The following DAB1 variants were observed in gnomAD, a reference collection of about 807,000 sequenced individuals.
DAB1 encodes the protein disabled homolog 1.
Under a neutral mutation model 64.6 loss-of-function variants are expected in DAB1, and 15 were observed. That is an observed-to-expected ratio of 0.23 (90% CI 0.16 to 0.36). The LOEUF (loss-of-function observed/expected upper bound fraction) is 0.36, where lower values mean the gene tolerates loss of function less well. DAB1 is among the 10% of genes least tolerant of loss of function. The pLI is 1.00. For missense variants in DAB1, 596 were observed against 706.7 expected (o/e 0.84, Z 1.78); for synonymous variants, 235 against 251.9 (o/e 0.93, Z 0.64).
chr1:57,937,307 G>T (rs1645040626), intron 5 of DAB1, among the ~76,000 whole-genome samples: 1 of 152,068 alleles, frequency 6.6e-6, no homozygotes, highest in Admixed American at 6.6e-5. Context: ...GCCTGAAATT[G>T]ATCTGATCAG....
chr1:58,424,498 C>G (rs948692927), intron 3 of DAB1, among the ~76,000 whole-genome samples: 1 of 152,204 alleles, frequency 6.6e-6, no homozygotes, highest in Non-Finnish European at 1.5e-5. Flanking sequence ...TAGATGGCTC[C>G]CACATAGTGC....
chr1:57,992,396 T>A (rs1464100431), intron 5 of DAB1, among the ~76,000 whole-genome samples: 2 of 152,158 alleles, frequency 1.3e-5, no homozygotes, highest in Non-Finnish European at 2.9e-5. Context: ...TATACTTCAA[T>A]TTACATCAAT....
intron 2 of DAB1, among the ~76,000 whole-genome samples, chr1:57,237,886 A>C (rs1668207712): frequency 6.6e-6 from 1 of 152,198 alleles, no homozygotes; most frequent in Non-Finnish European, 1.5e-5. Context: ...AGTGCATTGG[A>C]TATGGACATA....
At chr1:57,649,081 A>G (rs1039307377) in intron 7 of DAB1, among the ~76,000 whole-genome samples, 5 of 152,142 alleles carry the variant, frequency 3.3e-5, no homozygotes, top group African/African-American at 1.2e-4. Context: ...AAATAACAGT[A>G]CTTTCCCTTT....
intron 5 of DAB1, among the ~76,000 whole-genome samples, chr1:58,070,625 C>T: frequency 6.6e-6 from 1 of 152,082 alleles, no homozygotes; most frequent in Non-Finnish European, 1.5e-5. Flanking sequence ...AGACTGGAGG[C>T]AAAGGAGGAT....
intron 6 of DAB1, among the ~76,000 whole-genome samples, chr1:57,653,379 A>G (rs545358980): frequency 7.9e-5 from 12 of 152,194 alleles, no homozygotes; most frequent in Non-Finnish European, 1.6e-4. Context: ...TTCTAATATT[A>G]TATTTTCAAG....
chr1:58,236,744 C>A (rs775307455), intron 4 of DAB1, among the ~76,000 whole-genome samples: 1 of 152,206 alleles, frequency 6.6e-6, no homozygotes, highest in African/African-American at 2.4e-5. Flanking sequence ...GAAGCTCAAA[C>A]CGAACACCAC....
chr1:57,895,917 CTAAAA>C (rs767601648), intron 5 of DAB1, among the ~76,000 whole-genome samples: 3 of 152,148 alleles, frequency 2.0e-5, no homozygotes, highest in Non-Finnish European at 2.9e-5. Flanking sequence ...CCCAGTTTTC[CTAAAA>C]TAAAAGACTA....
chr1:58,094,311 T>C (rs1650858741), intron 5 of DAB1, among the ~76,000 whole-genome samples: 1 of 152,240 alleles, frequency 6.6e-6, no homozygotes, highest in Non-Finnish European at 1.5e-5. Flanking sequence ...TAAATATCCT[T>C]TGTTTTACAT....
chr1:58,227,526 C>A (rs544646497), intron 4 of DAB1, among the ~76,000 whole-genome samples: 2 of 152,320 alleles, frequency 1.3e-5, no homozygotes, highest in Admixed American at 1.3e-4. Context: ...GTCCAGCACT[C>A]TCCTCCAGCC....
At chr1:58,029,138 C>A (rs1258326265) in intron 5 of DAB1, among the ~76,000 whole-genome samples, 1 of 152,170 alleles carries the variant, frequency 6.6e-6, no homozygotes, top group Non-Finnish European at 1.5e-5. Context: ...CTCCCTCATT[C>A]TCCCACAGTA....
intron 4 of DAB1, among the ~76,000 whole-genome samples, chr1:57,075,569 C>A (rs556033468): frequency 6.6e-4 from 100 of 152,304 alleles, no homozygotes; most frequent in Non-Finnish European, 1.1e-3. Flanking sequence ...TTCTGCTAAT[C>A]CTACAATTGC....
chr1:58,332,634 C>T (rs964880471), intron 4 of DAB1, among the ~76,000 whole-genome samples: 1 of 152,156 alleles, frequency 6.6e-6, no homozygotes, highest in Non-Finnish European at 1.5e-5. Flanking sequence ...AGCAGAAATA[C>T]AACTTGAACA....
chr1:57,359,884 G>A (rs1401050585), intron 1 of DAB1, among the ~76,000 whole-genome samples: 1 of 151,998 alleles, frequency 6.6e-6, no homozygotes, highest in African/African-American at 2.4e-5. Context: ...ATCTAAAAGA[G>A]TTGATCTCAT....
intron 2 of DAB1, among the ~76,000 whole-genome samples, chr1:57,225,625 A>G (rs1667207487): frequency 6.6e-6 from 1 of 152,174 alleles, no homozygotes; most frequent in Non-Finnish European, 1.5e-5. Context: ...GATAAATTCA[A>G]TATAAAGTCA....
At chr1:57,541,080 T>A (rs1433046951) in intron 7 of DAB1, among the ~76,000 whole-genome samples, 1 of 152,046 alleles carries the variant, frequency 6.6e-6, no homozygotes, top group Admixed American at 6.6e-5. Flanking sequence ...AAATATGACA[T>A]GTGCCCCATA....
intron 1 of DAB1, among the ~76,000 whole-genome samples, chr1:58,537,396 AAT>A (rs1646534606): frequency 6.6e-6 from 1 of 152,334 alleles, no homozygotes; most frequent in African/African-American, 2.4e-5. Flanking sequence ...TCATTTTGGA[AAT>A]AAATAGTGCT....
intron 7 of DAB1, among the ~76,000 whole-genome samples, chr1:57,578,038 G>C (rs1312302058): frequency 6.6e-6 from 1 of 152,200 alleles, no homozygotes; most frequent in African/African-American, 2.4e-5. Context: ...CAGCCACTGG[G>C]CTGAGGTGCC....
At chr1:58,191,940 A>C (rs566411969) in intron 4 of DAB1, among the ~76,000 whole-genome samples, 33 of 152,354 alleles carry the variant, frequency 2.2e-4, no homozygotes, top group Admixed American at 1.5e-3. Flanking sequence ...CACTGTGGAG[A>C]ACACAAAGTA....
Sources: gnomAD v4.1 joint callset for allele counts (sites outside exome capture counted in the v4.1 genomes callset) on GRCh38, gnomAD v4.1.1 for gene constraint, MANE v1.5 for transcripts, NCBI Gene and HGNC (gene_info 2026-07-23, HGNC 2026-07-21) for gene names.